Variants in PPM1A observed in about 807,000 individuals in gnomAD.
PPM1A encodes protein phosphatase 1A.
Under a neutral mutation model 35.0 loss-of-function variants are expected in PPM1A, and 7 were observed. The ratio of observed to expected loss-of-function variants is 0.20; its 90% CI spans 0.11 to 0.38. The LOEUF is 0.38. Among genes scored for constraint, PPM1A ranks in the 10% least tolerant of loss-of-function variants. The pLI is 1.00. For synonymous variants in PPM1A, 153 were observed against 167.3 expected, an observed-to-expected ratio of 0.91 and a Z score of 0.66; for missense variants, 239 against 467.8, an observed-to-expected ratio of 0.51 and a Z score of 4.51.
At chr14:60,268,691 C>G (rs1261837610) in intron 1 of PPM1A, among the ~76,000 whole-genome samples, 1 of 150,704 alleles carries the variant, frequency 6.6e-6, no homozygotes, top group African/African-American at 2.4e-5. Context: ...TTTCAACACA[C>G]TATTGCTGGC....
In PPM1A at chr14:60,295,165, TTAAA is replaced by T. The variant is rs1887961397; in HGVS notation, c.*2685_*2688del. 6.6e-6 allele frequency: 1 copy of T among 151,842 alleles called. No individual in the cohort carries two copies. The highest frequency in any genetic ancestry group is 2.4e-5 in the African/African-American group (1 of 41,412). The allele number at this position is 151,842 out of a possible 1,614,324, so 9.4% of individuals were successfully genotyped here. A position where few individuals can be genotyped will look rare whatever the true frequency, so the allele number is the denominator to read the frequency against. On this transcript the variant is annotated 3_prime_UTR_variant, in exon 6 of 6. Coordinates refer to ENST00000395076, the MANE Select transcript of PPM1A (RefSeq NM_021003.5). ...AGTACTCAAAATATACTTTTATCAT[TTAAA>T]TGTCTTATTTGCTGCTATGAATAGG... is the stretch of plus-strand genomic sequence containing the variant.
intron 1 of PPM1A, among the ~76,000 whole-genome samples, chr14:60,266,442 C>T (rs750940992): frequency 6.6e-6 from 1 of 152,018 alleles, no homozygotes; most frequent in Non-Finnish European, 1.5e-5. Flanking sequence ...CCTTTCCTAC[C>T]ATAAGATTAC....
chr14:60,272,829 T>C (rs1023408185), intron 1 of PPM1A, among the ~76,000 whole-genome samples: 1 of 152,172 alleles, frequency 6.6e-6, no homozygotes, highest in African/African-American at 2.4e-5. Flanking sequence ...CTTGGTTTAT[T>C]CTCTAATATC....
At chr14:60,268,106 C>G (rs1884608618) in intron 1 of PPM1A, among the ~76,000 whole-genome samples, 2 of 152,080 alleles carry the variant, frequency 1.3e-5, no homozygotes, top group Admixed American at 6.6e-5. Context: ...TAACAATCTT[C>G]CCCTCCCCAT....
At chr14:60,247,822 T>A (rs573056001), upstream of PPM1A, among the ~76,000 whole-genome samples, 4 of 152,194 alleles carry the variant, frequency 2.6e-5, no homozygotes, top group South Asian at 6.2e-4. Context: ...TAGAAAGTAG[T>A]AGGGTGCAAA....
At chr14:60,291,195 T>G (rs919202572) in intron 4 of PPM1A, among the ~76,000 whole-genome samples, 7 of 152,086 alleles carry the variant, frequency 4.6e-5, no homozygotes, top group African/African-American at 1.7e-4. Context: ...TTATAACACA[T>G]TTTAGAGTAG....
At chr14:60,256,064 T>G (rs1193077021) in intron 1 of PPM1A, among the ~76,000 whole-genome samples, 1 of 152,230 alleles carries the variant, frequency 6.6e-6, no homozygotes, top group Non-Finnish European at 1.5e-5. Flanking sequence ...GCATACTCTG[T>G]GTTCAAATAA....
intron 1 of PPM1A, among the ~76,000 whole-genome samples, chr14:60,253,317 T>C (rs1308683624): frequency 6.6e-6 from 1 of 152,194 alleles, no homozygotes; most frequent in African/African-American, 2.4e-5. Flanking sequence ...AAAGCCGTAC[T>C]TTCTTGGCCA....
Position 60,296,786 on chromosome 14 carries a change from G to T in PPM1A, c.*4304G>T, listed in dbSNP as rs1027879997. ...TCTCAGTTAAATGTTTGTTATTACT[G>T]ATAGTCAAAATGCTCAATAGAAATG... On this transcript the variant is annotated 3_prime_UTR_variant, in exon 6 of 6. Transcript: ENST00000395076. The surrounding 1 kb of genome is among the most constrained non-coding windows in gnomAD (Gnocchi z 4.4). 4 of 332,986 alleles carry T rather than the reference G, an allele frequency of 1.2e-5. No individual in the cohort carries two copies. The highest frequency in any genetic ancestry group is 5.0e-5 in the Admixed American group (1 of 20,032). The allele number at this position is 332,986 out of a possible 1,614,324, so 20.6% of individuals were successfully genotyped here.
At chr14:60,257,522 C>T (rs551207581) in intron 1 of PPM1A, among the ~76,000 whole-genome samples, 2 of 152,256 alleles carry the variant, frequency 1.3e-5, no homozygotes, top group Admixed American at 6.5e-5. Context: ...AATATGACCA[C>T]CTCAGGGAGG....
At chr14:60,288,602 T>A in intron 3 of PPM1A, 2 of 926,488 alleles carry the variant, frequency 2.2e-6, no homozygotes, top group Non-Finnish European at 2.6e-6. Flanking sequence ...TTTTTTTTTT[T>A]AAGGCAAAAA....
intron 1 of PPM1A, among the ~76,000 whole-genome samples, chr14:60,275,844 C>CTT (rs531960264): frequency 0.059 from 7,737 of 130,156 alleles, 345 homozygotes; most frequent in African/African-American, 0.12. Flanking sequence ...AAAGATTAGC[C>CTT]TTTTTTTTTT....
At chr14:60,253,604 T>G (rs888862255) in intron 1 of PPM1A, among the ~76,000 whole-genome samples, 3 of 152,204 alleles carry the variant, frequency 2.0e-5, no homozygotes, top group African/African-American at 7.2e-5. Context: ...TTAGTTTATG[T>G]AAAGTCTTCC....
In PPM1A at chr14:60,292,188, G is replaced by A. The variant is rs1437243335; in HGVS notation, c.1120-265G>A. ...AAAAATTCTTTTTAGTAGATTTATT[G>A]ATTGAGTAATACATTTGGACAGCCT... On this transcript the variant is annotated intron_variant, in intron 5 of 5. Coordinates refer to ENST00000395076, the MANE Select transcript of PPM1A (RefSeq NM_021003.5). The surrounding 1 kb of genome is among the most constrained non-coding windows in gnomAD (Gnocchi z 4.2). Among the ~76,000 whole-genome samples, 1 of 152,056 alleles carries A rather than the reference G, an allele frequency of 6.6e-6. No homozygotes were observed. The highest frequency in any genetic ancestry group is 2.4e-5 in the African/African-American group (1 of 41,406).
Position 60,296,739 on chromosome 14 carries a change from T to C in PPM1A, c.*4257T>C, listed in dbSNP as rs1056900431. ...TTTCAAAATGTATAATACTGTATTG[T>C]TTTGTTGATCAGAATAATAAGTCTC... is the stretch of plus-strand genomic sequence containing the variant. On this transcript the variant is annotated 3_prime_UTR_variant, in exon 6 of 6. Transcript: ENST00000395076. This position sits in a 1 kb window ranked among gnomAD's most constrained non-coding sequence, Gnocchi z 4.4. 2.9e-6 allele frequency: 1 copy of C among 348,998 alleles called. No individual in the cohort carries two copies. The highest frequency in any genetic ancestry group is 5.3e-6 in the Non-Finnish European group (1 of 190,474). 21.6% of individuals were successfully genotyped at this position (348,998 alleles called of 1,614,324 possible).
chr14:60,252,178 CTG>C (rs934899546), intron 1 of PPM1A, among the ~76,000 whole-genome samples: 4 of 152,156 alleles, frequency 2.6e-5, no homozygotes, highest in African/African-American at 9.7e-5. Flanking sequence ...TTTGGTTTAA[CTG>C]TGCGTGCATA....
chr14:60,266,670 T>C (rs563758040), intron 1 of PPM1A, among the ~76,000 whole-genome samples: 104 of 152,364 alleles, frequency 6.8e-4, no homozygotes, highest in African/African-American at 2.4e-3. Flanking sequence ...ATTCCACTGA[T>C]AAATTTATTC....
chr14:60,268,930 TATTTC>T (rs1386405312), intron 1 of PPM1A, among the ~76,000 whole-genome samples: 2 of 151,562 alleles, frequency 1.3e-5, no homozygotes, highest in Non-Finnish European at 2.9e-5. Flanking sequence ...GTCATTTCAT[TATTTC>T]ATTTTCTTTT....
rs1162716512 is a variant in PPM1A at position 60,296,365 on chromosome 14, T to A, written c.*3883T>A. On this transcript the variant is annotated 3_prime_UTR_variant, in exon 6 of 6. Transcript: ENST00000395076. This position sits in a 1 kb window ranked among gnomAD's most constrained non-coding sequence, Gnocchi z 4.4. ...TAATTTTGAATTTCATGGTATATAC[T>A]TTTAGTTCAAACTCAGCTGTTTGTA... 1 of 174,998 alleles carries A rather than the reference T, an allele frequency of 5.7e-6. No homozygotes were observed. The highest frequency in any genetic ancestry group is 1.2e-5 in the Non-Finnish European group (1 of 83,634). The allele number at this position is 174,998 out of a possible 1,614,324, so 10.8% of individuals were successfully genotyped here. A position where few individuals can be genotyped will look rare whatever the true frequency, so the allele number is the denominator to read the frequency against.
Sources: allele counts gnomAD v4.1 joint callset (sites outside exome capture counted in the v4.1 genomes callset), GRCh38; gene constraint gnomAD v4.1.1; non-coding constraint Gnocchi (gnomAD v3.1); transcripts MANE v1.5; gene names NCBI Gene and HGNC (gene_info 2026-07-23, HGNC 2026-07-21).